Variants in LRRC61 observed in about 807,000 individuals in gnomAD.
LRRC61 encodes the protein leucine-rich repeat-containing protein 61.
A neutral mutation model predicts 15.1 loss-of-function variants in LRRC61; 9 were observed. The ratio of observed to expected loss-of-function variants is 0.60; its 90% CI spans 0.36 to 1.04. LRRC61 has a LOEUF of 1.04. LRRC61 is among the 50% of genes least tolerant of loss of function. The probability of loss-of-function intolerance (pLI) is 0.01; values close to 1 mark genes in which losing one functional copy is unlikely to be tolerated. For synonymous variants in LRRC61, 173 were observed against 158.6 expected, an observed-to-expected ratio of 1.09 and a Z score of -0.68; for missense variants, 344 against 335.6, an observed-to-expected ratio of 1.03 and a Z score of -0.20.
chr7:150,327,934 G>A (rs1469627548), intron 2 of LRRC61, among the ~76,000 whole-genome samples: 5 of 152,126 alleles, frequency 3.3e-5, no homozygotes, highest in Admixed American at 2.6e-4. Flanking sequence ...GAAGGCCCCC[G>A]GTTGCTTCTC....
intron 1 of LRRC61, among the ~76,000 whole-genome samples, chr7:150,323,997 A>G (rs1473484580): frequency 6.6e-6 from 1 of 152,208 alleles, no homozygotes; most frequent in East Asian, 1.9e-4. Context: ...TATGAAACCT[A>G]ATGATGCATG....
intron 2 of LRRC61, chr7:150,334,072 T>TC: frequency 1.0e-6 from 1 of 985,316 alleles, no homozygotes; most frequent in Non-Finnish European, 1.2e-6. Context: ...CGTTTCCTCT[T>TC]CTGTAAACCA....
Position 150,336,985 on chromosome 7 carries a change from G to A in LRRC61, c.124G>A (p.Gly42Arg). ...CCTGCTACTGAAGCTGCGTGGCTTG[G>A]GACTGGCTGACCTGGGCTGCCTGGG... is the stretch of plus-strand genomic sequence containing the variant. ...SILLLKLRGL[G>R]LADLGCLGEC... Residue 42 changes from glycine to arginine, a missense_variant, in exon 3 of 3, where the codon GGA (glycine) becomes AGA (arginine). Transcript: ENST00000359623. 6.2e-7 allele frequency: 1 copy of A among 1,613,956 alleles called. No homozygotes were observed. Among genetic ancestry groups the A allele is most frequent in the African/African-American group, 1.3e-5 (1 of 75,078 alleles).
Position 150,326,021 on chromosome 7 carries a change from C to G in LRRC61, c.-145+11C>G, listed in dbSNP as rs1797953698. On this transcript the variant is annotated intron_variant, in intron 2 of 2. Coordinates refer to ENST00000359623, the MANE Select transcript of LRRC61 (RefSeq NM_001142928.2). Reference sequence around the variant, plus strand: ...AAGCAATAGCCTAAGGTAAACAACACCTTGCAAGACGGGTCTAAGCTCTTC... The same window carrying G: ...AAGCAATAGCCTAAGGTAAACAACAGCTTGCAAGACGGGTCTAAGCTCTTC... The G allele has an allele frequency of 6.6e-6, 1 of 152,508 alleles. No individual in the cohort carries two copies. Among genetic ancestry groups the G allele is most frequent in the African/African-American group, 2.4e-5 (1 of 41,460 alleles). 9.4% of individuals were successfully genotyped at this position (152,508 alleles called of 1,614,324 possible).
chr7:150,311,910 A>C, the LRRC61 span, among the ~76,000 whole-genome samples: 1 of 152,212 alleles, frequency 6.6e-6, no homozygotes, highest in Non-Finnish European at 1.5e-5. Flanking sequence ...TGCTTTCCAC[A>C]GCCTCCATAA....
At position 150,330,774 on chromosome 7, in the gene LRRC61, C is replaced by A; in HGVS notation, c.-145+4764C>A. ...CTCTTTGAACTCCCCAAGTCCCCTG[C>A]AAAGCCCCAGGGGTCTGTGCGTGGA... is the stretch of plus-strand genomic sequence containing the variant. On this transcript the variant is annotated intron_variant, in intron 2 of 2. Coordinates refer to ENST00000359623, the MANE Select transcript of LRRC61 (RefSeq NM_001142928.2). The surrounding 1 kb of genome is among the most constrained non-coding windows in gnomAD (Gnocchi z 4.6). The A allele has an allele frequency of 6.2e-7, 1 of 1,613,796 alleles. No homozygotes were observed.
In LRRC61 at chr7:150,337,689, C is replaced by A; in HGVS notation, c.*48C>A. On this transcript the variant is annotated 3_prime_UTR_variant, in exon 3 of 3. Transcript: ENST00000359623. Reference sequence around the variant, plus strand: ...GCCTGGCAGGTGGCCTCGCTGCCCCCAGTTCCCCTCTCTGCCCCCACACTC... The same window carrying A: ...GCCTGGCAGGTGGCCTCGCTGCCCCAAGTTCCCCTCTCTGCCCCCACACTC... 6.7e-7 allele frequency: 1 copy of A among 1,500,074 alleles called. No individual in the cohort carries two copies. Among genetic ancestry groups the A allele is most frequent in the South Asian group, 1.4e-5 (1 of 73,802 alleles). 92.9% of individuals were successfully genotyped at this position (1,500,074 alleles called of 1,614,324 possible). A position where few individuals can be genotyped will look rare whatever the true frequency, so the allele number is the denominator to read the frequency against.
At chr7:150,314,681 G>A in the LRRC61 span, among the ~76,000 whole-genome samples, 1 of 151,000 alleles carries the variant, frequency 6.6e-6, no homozygotes, top group African/African-American at 2.4e-5. Context: ...GGTGGCTCAT[G>A]CCTGTAATCC....
In LRRC61 at chr7:150,337,198, G is replaced by T; in HGVS notation, c.337G>T (p.Gly113Cys). Residue 113 changes from glycine (G) to cysteine (C), a missense_variant, in exon 3 of 3, where the codon GGC (glycine) becomes TGC (cysteine). By Grantham distance (159) the Gly-to-Cys change is radical. Transcript: ENST00000359623. ...NAAGNLLATP[G>C]QLQCLAGLPC... Reference sequence around the variant, plus strand: ...CGCAGGCAACCTACTGGCCACCCCGGGCCAGCTGCAGTGTCTGGCTGGGCT... The same window carrying T: ...CGCAGGCAACCTACTGGCCACCCCGTGCCAGCTGCAGTGTCTGGCTGGGCT... 1 of 1,606,694 alleles carries T rather than the reference G, an allele frequency of 6.2e-7. No individual in the cohort carries two copies.
chr7:150,311,492 G>A, the LRRC61 span, among the ~76,000 whole-genome samples: 1 of 152,070 alleles, frequency 6.6e-6, no homozygotes, highest in African/African-American at 2.4e-5. Flanking sequence ...CACACTTACT[G>A]TCTGCCCCTC....
the LRRC61 span, among the ~76,000 whole-genome samples, chr7:150,314,327 C>G: frequency 6.6e-6 from 1 of 152,176 alleles, no homozygotes; most frequent in Admixed American, 6.5e-5. Context: ...ATTTAATACA[C>G]CTTAGAAAAT....
In LRRC61 at chr7:150,336,786, G is replaced by A. The variant is rs1798305820; in HGVS notation, c.-76G>A. The A allele has an allele frequency of 4.6e-6, 7 of 1,529,566 alleles. No individual in the cohort carries two copies. Among genetic ancestry groups the A allele is most frequent in the South Asian group, 1.3e-5 (1 of 79,806 alleles). 94.7% of individuals were successfully genotyped at this position (1,529,566 alleles called of 1,614,324 possible). A position where few individuals can be genotyped will look rare whatever the true frequency, so the allele number is the denominator to read the frequency against. On this transcript the variant is annotated 5_prime_UTR_variant, in exon 3 of 3. Coordinates refer to ENST00000359623, the MANE Select transcript of LRRC61 (RefSeq NM_001142928.2). Reference sequence around the variant, plus strand: ...GCACTGGCCTGGGTAGAGCCAGGGCGAGCACCAGCTGACCCCCAGTGGAAC... The same window carrying A: ...GCACTGGCCTGGGTAGAGCCAGGGCAAGCACCAGCTGACCCCCAGTGGAAC...
rs368264133 is a variant in LRRC61, at chr7:150,333,481, C to T, written c.-144-3237C>T. On this transcript the variant is annotated intron_variant, in intron 2 of 2. Transcript: ENST00000359623. This position sits in a 1 kb window ranked among gnomAD's most constrained non-coding sequence, Gnocchi z 4.3. ...AGGGTTGGGAAGCCCTCTTCTAGAGCGTTAGAGCCTCCAGTCCACCCGAGG... is the reference window on the plus strand; with the variant it reads ...AGGGTTGGGAAGCCCTCTTCTAGAGTGTTAGAGCCTCCAGTCCACCCGAGG... 2.0e-5 allele frequency among the ~76,000 whole-genome samples: 3 copies of T among 152,180 alleles called. No individual in the cohort carries two copies. The highest frequency in any genetic ancestry group is 1.5e-5 in the Non-Finnish European group (1 of 68,042).
chr7:150,330,436 CCT>C lies in LRRC61; in HGVS notation c.-145+4431_-145+4432del. 1.3e-6 allele frequency: 1 copy of C among 775,404 alleles called. No individual in the cohort carries two copies. 48.0% of individuals were successfully genotyped at this position (775,404 alleles called of 1,614,324 possible). A position where few individuals can be genotyped will look rare whatever the true frequency, so the allele number is the denominator to read the frequency against. The stretch of plus-strand genomic sequence containing the variant: ...GTCCGCGAGGCGAGTGCGGCACAGG[CCT>C]CTCTGAGCCAGGTGCTGCCCCAGCT... On this transcript the variant is annotated intron_variant, in intron 2 of 2. Transcript: ENST00000359623. This position sits in a 1 kb window ranked among gnomAD's most constrained non-coding sequence, Gnocchi z 4.6.
At chr7:150,312,267 G>A in the LRRC61 span, among the ~76,000 whole-genome samples, 3 of 152,128 alleles carry the variant, frequency 2.0e-5, no homozygotes, top group African/African-American at 7.2e-5. Context: ...CTTAGACCAT[G>A]GAAAATTCAT....
the LRRC61 span, among the ~76,000 whole-genome samples, chr7:150,317,583 T>C: frequency 6.6e-6 from 1 of 152,202 alleles, no homozygotes; most frequent in African/African-American, 2.4e-5. Flanking sequence ...ACTAGTGGTG[T>C]TGACTAAACC....
rs1366957200 is a variant in LRRC61, at chr7:150,333,937, C to T, written c.-144-2781C>T. 7 of 985,254 alleles carry T rather than the reference C, an allele frequency of 7.1e-6. No homozygotes were observed. The highest frequency in any genetic ancestry group is 8.4e-6 in the Non-Finnish European group (7 of 829,906). 61.0% of individuals were successfully genotyped at this position (985,254 alleles called of 1,614,324 possible). A position where few individuals can be genotyped will look rare whatever the true frequency, so the allele number is the denominator to read the frequency against. ...CCCCCAAGAGAATGAGGGTTATGCACGACCCATCACCAAGACCCAGGCCTG... is the reference window on the plus strand; with the variant it reads ...CCCCCAAGAGAATGAGGGTTATGCATGACCCATCACCAAGACCCAGGCCTG... On this transcript the variant is annotated intron_variant, in intron 2 of 2. Transcript: ENST00000359623. The surrounding 1 kb of genome is among the most constrained non-coding windows in gnomAD (Gnocchi z 4.3).
chr7:150,334,081 C>G (rs534504687), intron 2 of LRRC61: 3 of 985,258 alleles, frequency 3.0e-6, no homozygotes, highest in Middle Eastern at 5.2e-4. Flanking sequence ...TTCTGTAAAC[C>G]ATGTTCCTGG....
chr7:150,317,960 G>C, the LRRC61 span, among the ~76,000 whole-genome samples: 1 of 152,138 alleles, frequency 6.6e-6, no homozygotes, highest in Admixed American at 6.5e-5. Context: ...ACAAGAGGGT[G>C]TTAAAAAGGA....
Sources: gnomAD v4.1 joint callset for allele counts (sites outside exome capture counted in the v4.1 genomes callset) on GRCh38, gnomAD v4.1.1 for gene constraint, Gnocchi (gnomAD v3.1) non-coding constraint, MANE v1.5 for transcripts, NCBI Gene and HGNC (gene_info 2026-07-23, HGNC 2026-07-21) for gene names.